LYZL1: variants seen among roughly 807,000 people sequenced by gnomAD.
The protein encoded by LYZL1 is lysozyme-like protein 1.
A neutral mutation model predicts 17.9 loss-of-function variants in LYZL1; 16 were observed. The observed-to-expected ratio is 0.90, with a 90% CI of 0.61 to 1.36. The LOEUF is 1.36. Ranked by LOEUF, LYZL1 falls within the 40% of genes most tolerant of loss-of-function variation. The pLI, the probability that LYZL1 is intolerant of heterozygous loss-of-function variation, is 0.00. For synonymous variants in LYZL1, 58 were observed against 71.8 expected, an observed-to-expected ratio of 0.81 and a Z score of 0.97; for missense variants, 149 against 188.4, an observed-to-expected ratio of 0.79 and a Z score of 1.22.
chr10:29,289,971 C>T (rs1468515295), intron 1 of LYZL1, among the ~76,000 whole-genome samples: 7 of 152,194 alleles, frequency 4.6e-5, no homozygotes, highest in Admixed American at 1.3e-4. Context: ...GGTTTGCCCA[C>T]GCTTGCTATT....
chr10:29,317,967 T>C (rs1835750203), intron 4 of LYZL1, among the ~76,000 whole-genome samples: 1 of 151,638 alleles, frequency 6.6e-6, no homozygotes, highest in African/African-American at 2.4e-5. Context: ...AAAAAGTGAT[T>C]ACTATCCTAT....
intron 3 of LYZL1, among the ~76,000 whole-genome samples, chr10:29,302,410 G>T (rs1483362324): frequency 1.4e-5 from 2 of 143,794 alleles, no homozygotes; most frequent in African/African-American, 2.6e-5. Flanking sequence ...AGACATCAAA[G>T]GCCGGCACGA....
At chr10:29,300,975 C>G (rs1051817381) in intron 3 of LYZL1, among the ~76,000 whole-genome samples, 1 of 152,112 alleles carries the variant, frequency 6.6e-6, no homozygotes, top group South Asian at 2.1e-4. Flanking sequence ...GCACATGCCA[C>G]AATGCCTGGC....
Position 29,292,513 on chromosome 10 carries a change from C to A in LYZL1, c.140-6C>A. On this transcript the variant is annotated splice_region_variant and splice_polypyrimidine_tract_variant and intron_variant, in intron 2 of 4. Transcript: ENST00000649382. Reference sequence around the variant, plus strand: ...TTGCTGGCGTTTCTGGCTTTCCCCCCTCCAGGGATCTGCATGGCATATTAT... The same window carrying A: ...TTGCTGGCGTTTCTGGCTTTCCCCCATCCAGGGATCTGCATGGCATATTAT... 1 of 1,612,678 alleles carries A rather than the reference C, an allele frequency of 6.2e-7. No homozygotes were observed. Among genetic ancestry groups the A allele is most frequent in the Non-Finnish European group, 8.5e-7 (1 of 1,179,526 alleles).
intron 3 of LYZL1, among the ~76,000 whole-genome samples, chr10:29,304,441 C>T (rs117203793): frequency 0.019 from 2,894 of 152,196 alleles, 47 homozygotes; most frequent in South Asian, 0.08. Context: ...GGGTGTGTGG[C>T]TGCTAGATTT....
At chr10:29,305,277 A>G (rs1010410074) in intron 3 of LYZL1, among the ~76,000 whole-genome samples, 1 of 152,232 alleles carries the variant, frequency 6.6e-6, no homozygotes, top group Non-Finnish European at 1.5e-5. Flanking sequence ...ATAACCTCAT[A>G]GATAATTACT....
intron 3 of LYZL1, among the ~76,000 whole-genome samples, chr10:29,317,003 C>A (rs1271917788): frequency 6.6e-6 from 1 of 152,122 alleles, no homozygotes; most frequent in Non-Finnish European, 1.5e-5. Flanking sequence ...AAGGTATGAG[C>A]CATCATGTCC....
intron 3 of LYZL1, among the ~76,000 whole-genome samples, chr10:29,303,546 C>T (rs555478215): frequency 6.6e-6 from 1 of 152,220 alleles, no homozygotes; most frequent in East Asian, 1.9e-4. Context: ...CAGTTTCATT[C>T]CAGTTAAGGA....
chr10:29,316,448 CT>C (rs1218611060), intron 3 of LYZL1, among the ~76,000 whole-genome samples: 1 of 152,178 alleles, frequency 6.6e-6, no homozygotes, highest in Non-Finnish European at 1.5e-5. Context: ...ACGAATCTTT[CT>C]TTACACCAGG....
chr10:29,302,837 T>C (rs944605581), intron 3 of LYZL1, among the ~76,000 whole-genome samples: 1 of 152,182 alleles, frequency 6.6e-6, no homozygotes, highest in African/African-American at 2.4e-5. Context: ...GTCTAGACTA[T>C]GTGTCTTCCT....
At chr10:29,305,759 G>T (rs1014270337) in intron 3 of LYZL1, among the ~76,000 whole-genome samples, 27 of 152,256 alleles carry the variant, frequency 1.8e-4, no homozygotes, top group African/African-American at 5.8e-4. Context: ...CTGGTTAATA[G>T]AATTTTGTTT....
chr10:29,295,926 C>T (rs1835440943), intron 3 of LYZL1, among the ~76,000 whole-genome samples: 1 of 152,176 alleles, frequency 6.6e-6, no homozygotes, highest in African/African-American at 2.4e-5. Flanking sequence ...AGGAACTGAA[C>T]TCTGCCAAAA....
chr10:29,299,703 T>C (rs1002110881), intron 3 of LYZL1, among the ~76,000 whole-genome samples: 2 of 152,228 alleles, frequency 1.3e-5, no homozygotes, highest in Admixed American at 1.3e-4. Context: ...CTATTTCTCA[T>C]CCAGAAATCT....
chr10:29,291,976 G>C lies in LYZL1; in HGVS notation c.109G>C (p.Asp37His), dbSNP rs370422868. Reference sequence around the variant, plus strand: ...AAAAATATTCTCGAGGGCTGGCCTGGACAATTACTGGGGCTTCAGCCTTGG... The same window carrying C: ...AAAAATATTCTCGAGGGCTGGCCTGCACAATTACTGGGGCTTCAGCCTTGG... ...LAKIFSRAGLDNYWGFSLGNW... is the reference protein window; with the variant it reads ...LAKIFSRAGLHNYWGFSLGNW... Residue 37 changes from aspartate (D) to histidine (H), a missense_variant, in exon 2 of 5, where the codon GAC (aspartate) becomes CAC (histidine). Coordinates refer to ENST00000649382, the MANE Select transcript of LYZL1 (RefSeq NM_032517.6). The C allele has an allele frequency of 8.8e-5, 136 of 1,550,366 alleles. 5 individuals carry two copies. Among genetic ancestry groups the C allele is most frequent in the Middle Eastern group, 1.9e-4 (1 of 5,392 alleles).
At chr10:29,292,482 C>G (rs760558265) in intron 2 of LYZL1, 37 bp from the exon 3 acceptor site, 4 of 1,606,470 alleles carry the variant, frequency 2.5e-6, no homozygotes, top group Middle Eastern at 1.7e-4. Flanking sequence ...AAAAGATGCA[C>G]TTCCTTTGCT....
At chr10:29,310,844 G>C in intron 4 of LYZL1, 146 bp from the exon 5 acceptor site, 1 of 1,201,480 alleles carries the variant, frequency 8.3e-7, no homozygotes, top group South Asian at 1.4e-5. Context: ...CTAGGCAAAA[G>C]GACAGCATCC....
intron 3 of LYZL1, among the ~76,000 whole-genome samples, chr10:29,306,174 G>A (rs1255335264): frequency 2.0e-5 from 3 of 152,024 alleles, no homozygotes; most frequent in East Asian, 1.9e-4. Context: ...CCGTGATGAT[G>A]AAAATGTCTT....
chr10:29,317,482 G>A (rs1369272063), intron 4 of LYZL1: 2 of 152,196 alleles, frequency 1.3e-5, no homozygotes, highest in Admixed American at 6.6e-5. Context: ...TCAGTACTGT[G>A]CTGAAAAATC....
chr10:29,315,721 T>C (rs146450056), downstream of LYZL1, among the ~76,000 whole-genome samples: 2,882 of 151,506 alleles, frequency 0.019, 53 homozygotes, highest in South Asian at 0.078. Flanking sequence ...TGGTGGCCTG[T>C]GCCTGTGGTC....
Sources: allele counts gnomAD v4.1 joint callset (sites outside exome capture counted in the v4.1 genomes callset), GRCh38; gene constraint gnomAD v4.1.1; transcripts MANE v1.5; gene names NCBI Gene and HGNC (gene_info 2026-07-23, HGNC 2026-07-21).